The following ELOVL4 variants were observed in gnomAD, a reference collection of about 807,000 sequenced individuals.
The protein encoded by ELOVL4 is very long chain fatty acid elongase 4.
In ELOVL4, 18 loss-of-function variants were observed where a neutral mutation model predicts 42.1. The ratio of observed to expected loss-of-function variants is 0.43; its 90% CI spans 0.30 to 0.63. The LOEUF is 0.63. ELOVL4 is among the 30% of genes least tolerant of loss of function. ELOVL4 has a pLI of 0.15. For missense variants in ELOVL4, 299 were observed against 376.2 expected, an observed-to-expected ratio of 0.79 and a Z score of 1.70; for synonymous variants, 117 against 127.0, an observed-to-expected ratio of 0.92 and a Z score of 0.53.
intron 1 of ELOVL4, among the ~76,000 whole-genome samples, chr6:79,936,807 C>T (rs117161555): frequency 0.016 from 2,493 of 152,162 alleles, 29 homozygotes; most frequent in South Asian, 0.038. Context: ...TACAACTGGA[C>T]AAATGAGGCA....
chr6:79,919,341 G>T, intron 5 of ELOVL4, 79 bp downstream of exon 5: 2 of 1,495,350 alleles, frequency 1.3e-6, no homozygotes, highest in East Asian at 2.3e-5. Flanking sequence ...TGTCTAAAAT[G>T]ACATTGCACT....
At chr6:79,924,862 T>TA (rs1373342575) in intron 3 of ELOVL4, 90 bp downstream of exon 3, 29 of 842,038 alleles carry the variant, frequency 3.4e-5, no homozygotes, top group Non-Finnish European at 4.5e-5. Context: ...AACTGTCTCT[T>TA]AAAAAAAAGT....
intron 1 of ELOVL4, among the ~76,000 whole-genome samples, chr6:79,935,832 T>C (rs1774532615): frequency 1.3e-5 from 2 of 152,136 alleles, no homozygotes; most frequent in Admixed American, 6.5e-5. Context: ...CAGCAGTAGA[T>C]TGCAAAACAA....
chr6:79,930,507 C>A (rs1774424741), intron 1 of ELOVL4, among the ~76,000 whole-genome samples: 2 of 152,128 alleles, frequency 1.3e-5, no homozygotes, highest in Admixed American at 6.5e-5. Context: ...CATGTATTTG[C>A]ATTAATATTT....
intron 2 of ELOVL4, 130 bp downstream of exon 2, chr6:79,926,064 G>T: frequency 1.2e-6 from 1 of 848,926 alleles, no homozygotes; most frequent in South Asian, 1.7e-5. Context: ...AGTGAAAAAT[G>T]TCAAAAATGT....
In ELOVL4 at chr6:79,919,493, T is replaced by A; in HGVS notation, c.596A>T (p.Tyr199Phe). 6.2e-7 allele frequency: 1 copy of A among 1,613,612 alleles called. No homozygotes were observed. The highest frequency in any genetic ancestry group is 1.7e-5 in the Admixed American group (1 of 59,984). The change falls in exon 5 of 6, where the codon TAT (tyrosine) becomes TTT (phenylalanine). Residue 199 changes from tyrosine (Y) to phenylalanine (F), a missense_variant. Tyr to Phe is a conservative substitution (Grantham distance 22). Transcript: ENST00000369816. ...SFIHVIMYSY[Y>F]GLTAFGPWIQ... ...CCATGGGCCAAATGCAGTTAACCCA[T>A]AGTATGAGTACATAATCACATGGAT... is the stretch of plus-strand genomic sequence containing the variant.
At chr6:79,923,674 T>C (rs1774296065) in intron 3 of ELOVL4, among the ~76,000 whole-genome samples, 1 of 152,218 alleles carries the variant, frequency 6.6e-6, no homozygotes, top group Non-Finnish European at 1.5e-5. Context: ...GGCTGCTGTC[T>C]GCCTTCTCAC....
At chr6:79,935,460 A>G (rs1774526683) in intron 1 of ELOVL4, among the ~76,000 whole-genome samples, 1 of 152,194 alleles carries the variant, frequency 6.6e-6, no homozygotes, top group African/African-American at 2.4e-5. Context: ...ATCTTAGATG[A>G]TGGCAAGGGG....
At position 79,915,324 on chromosome 6, in the gene ELOVL4, T is replaced by C. The variant is rs927314236; in HGVS notation, c.*1284A>G. ...TTTGTAAATAGCAAATTGAATGTTA[T>C]AGTTCTGACTACTCTCACTTTTATT... On this transcript the variant is annotated 3_prime_UTR_variant, in exon 6 of 6. Coordinates refer to ENST00000369816, the MANE Select transcript of ELOVL4 (RefSeq NM_022726.4). The C allele has an allele frequency of 1.3e-5, 2 of 152,604 alleles. No homozygotes were observed. The highest frequency in any genetic ancestry group is 4.8e-5 in the African/African-American group (2 of 41,462). 9.5% of individuals were successfully genotyped at this position (152,604 alleles called of 1,614,324 possible). A position where few individuals can be genotyped will look rare whatever the true frequency, so the allele number is the denominator to read the frequency against.
At chr6:79,928,726 G>GATTTTT (rs1774388856) in intron 1 of ELOVL4, among the ~76,000 whole-genome samples, 2 of 105,184 alleles carry the variant, frequency 1.9e-5, no homozygotes. Context: ...CTGGTGACTG[G>GATTTTT]GTTTTTTTTT....
intron 1 of ELOVL4, among the ~76,000 whole-genome samples, chr6:79,935,656 T>A (rs931555669): frequency 6.6e-6 from 1 of 152,192 alleles, no homozygotes; most frequent in Non-Finnish European, 1.5e-5. Context: ...CCCTTTTGAT[T>A]CAGGTAAAAT....
chr6:79,945,404 C>T (rs1191524878), intron 1 of ELOVL4, among the ~76,000 whole-genome samples: 1 of 152,172 alleles, frequency 6.6e-6, no homozygotes, highest in Non-Finnish European at 1.5e-5. Context: ...TTTCCTGTTT[C>T]ATTTGTGTGT....
intron 1 of ELOVL4, among the ~76,000 whole-genome samples, chr6:79,929,710 T>C (rs972639699): frequency 6.6e-6 from 1 of 152,204 alleles, no homozygotes; most frequent in Non-Finnish European, 1.5e-5. Flanking sequence ...GGAGGAAGAA[T>C]AGACTAATGG....
At chr6:79,928,919 T>C (rs1402816509) in intron 1 of ELOVL4, among the ~76,000 whole-genome samples, 1 of 151,750 alleles carries the variant, frequency 6.6e-6, no homozygotes, top group African/African-American at 2.4e-5. Flanking sequence ...CTTTTTTATA[T>C]ATAGTGTGGT....
chr6:79,928,409 A>C (rs1263632232), intron 1 of ELOVL4, among the ~76,000 whole-genome samples: 1 of 152,176 alleles, frequency 6.6e-6, no homozygotes, highest in Non-Finnish European at 1.5e-5. Flanking sequence ...ACTTCAAAGA[A>C]AGTTCTGAGT....
At position 79,934,659 on chromosome 6, in the gene ELOVL4, C is replaced by T. The variant is rs568671521; in HGVS notation, c.101-8278G>A. 9.2e-5 allele frequency among the ~76,000 whole-genome samples: 14 copies of T among 152,160 alleles called. No individual in the cohort carries two copies. The East Asian group carries it at 1.5e-3, about 17-fold the overall frequency. On this transcript the variant is annotated intron_variant, in intron 1 of 5. Coordinates refer to ENST00000369816, the MANE Select transcript of ELOVL4 (RefSeq NM_022726.4). The stretch of plus-strand genomic sequence containing the variant: ...GTTCTATATTCTGAATATGGACTCT[C>T]AAATCAGACTTACCAGCATTAGACT...
intron 1 of ELOVL4, among the ~76,000 whole-genome samples, chr6:79,942,596 G>C (rs1007770241): frequency 6.6e-6 from 1 of 152,176 alleles, no homozygotes; most frequent in Non-Finnish European, 1.5e-5. Context: ...CAAGTGCTCT[G>C]TGGCTCTTAA....
rs1355429071 is a variant in ELOVL4, at chr6:79,931,996, A to G, written c.101-5615T>C. Among the ~76,000 whole-genome samples the G allele has an allele frequency of 2.6e-5, 4 of 152,178 alleles. No homozygotes were observed. In the East Asian group the frequency reaches 7.7e-4, roughly 29 times the overall value. ...CAAAAGCCTTTATTTTAATTATGAGAATTACTAAGGCACATTACACCTTAA... is the reference window on the plus strand; with the variant it reads ...CAAAAGCCTTTATTTTAATTATGAGGATTACTAAGGCACATTACACCTTAA... On this transcript the variant is annotated intron_variant, in intron 1 of 5. Transcript: ENST00000369816.
chr6:79,939,727 ACT>A (rs1774611287), intron 1 of ELOVL4, among the ~76,000 whole-genome samples: 1 of 150,864 alleles, frequency 6.6e-6, no homozygotes, highest in African/African-American at 2.4e-5. Flanking sequence ...TTGGTCTTGA[ACT>A]CCTGGGCTCA....
Sources: allele counts gnomAD v4.1 joint callset (sites outside exome capture counted in the v4.1 genomes callset), GRCh38; gene constraint gnomAD v4.1.1; transcripts MANE v1.5; gene names NCBI Gene and HGNC (gene_info 2026-07-23, HGNC 2026-07-21).